TOPAZ1: variants seen among roughly 807,000 people sequenced by gnomAD.
TOPAZ1 encodes the protein protein TOPAZ1.
In TOPAZ1, 66 loss-of-function variants were observed where a neutral mutation model predicts 172.2. That is an observed-to-expected ratio of 0.38 (90% CI 0.31 to 0.47). The LOEUF is 0.47. TOPAZ1 is among the 20% of genes least tolerant of loss of function. The probability of loss-of-function intolerance (pLI) is 0.99; values close to 1 mark genes in which losing one functional copy is unlikely to be tolerated. For synonymous variants in TOPAZ1, 681 were observed against 683.9 expected (o/e 1.00, Z 0.07); for missense variants, 1,822 against 1,972.4 (o/e 0.92, Z 1.44).
At chr3:44,305,535 A>G (rs1700327092) in intron 14 of TOPAZ1, among the ~76,000 whole-genome samples, 1 of 151,948 alleles carries the variant, frequency 6.6e-6, no homozygotes, top group Non-Finnish European at 1.5e-5. Context: ...ACACTCAGCT[A>G]ATTTTTTTAT....
intron 8 of TOPAZ1, among the ~76,000 whole-genome samples, chr3:44,274,849 G>A (rs748104964): frequency 2.6e-4 from 39 of 150,830 alleles, no homozygotes; most frequent in Non-Finnish European, 5.3e-4. Flanking sequence ...GCACCCGGCC[G>A]CCTTTAATTC....
intron 2 of TOPAZ1, among the ~76,000 whole-genome samples, chr3:44,250,908 T>C (rs1190213198): frequency 1.3e-5 from 2 of 152,102 alleles, no homozygotes; most frequent in Non-Finnish European, 2.9e-5. Context: ...CCTAACAGTA[T>C]AGTGTGGCAT....
rs1182335780 is a variant in TOPAZ1 at position 44,267,076 on chromosome 3, G to T, written c.3100G>T (p.Val1034Leu). 6.5e-7 allele frequency: 1 copy of T among 1,548,914 alleles called. No homozygotes were observed. Among genetic ancestry groups the T allele is most frequent in the Non-Finnish European group, 8.7e-7 (1 of 1,145,792 alleles). Residue 1034 changes from valine (V) to leucine (L), a missense_variant, in exon 6 of 20, where the codon GTA becomes TTA. Around this residue, in one of 2 missense-constraint regions of TOPAZ1, gnomAD observed 1,489 missense variants for 1,490.8 expected, o/e 1.00. Transcript: ENST00000309765. The stretch of plus-strand genomic sequence containing the variant: ...AGTCCCGAAACCTCTGTGTTTATTA[G>T]TACCTCCTTTGAATCTAAGTGGTCG... ...VPVPKPLCLL[V>L]PPLNLSGRQE...
At chr3:44,290,426 C>T (rs937895153) in intron 11 of TOPAZ1, among the ~76,000 whole-genome samples, 3 of 152,048 alleles carry the variant, frequency 2.0e-5, no homozygotes, top group Non-Finnish European at 2.9e-5. Context: ...ATGTGAGGCA[C>T]AGGAACAATA....
At chr3:44,248,232 T>C (rs995856032) in intron 2 of TOPAZ1, among the ~76,000 whole-genome samples, 2 of 152,200 alleles carry the variant, frequency 1.3e-5, no homozygotes, top group Admixed American at 1.3e-4. Context: ...TATTTTTTCT[T>C]CTTGTTTTCC....
At chr3:44,334,988 A>G (rs1008286181), downstream of TOPAZ1, among the ~76,000 whole-genome samples, 3 of 151,826 alleles carry the variant, frequency 2.0e-5, no homozygotes, top group African/African-American at 7.3e-5. Context: ...GATAAGTACA[A>G]CCTCCCCAAG....
Position 44,279,085 on chromosome 3 carries a change from C to T in TOPAZ1, c.3373-2883C>T, listed in dbSNP as rs531273151. 1.6e-4 allele frequency among the ~76,000 whole-genome samples: 25 copies of T among 152,114 alleles called. No homozygotes were observed. In the South Asian group the frequency reaches 3.7e-3, roughly 23 times the overall value. The stretch of plus-strand genomic sequence containing the variant: ...TTTCTTCTTAATTTCTTTCTTGACC[C>T]GATGGTCATTCAGGAGCAGGTTGTT... On this transcript the variant is annotated intron_variant, in intron 8 of 19. Coordinates refer to ENST00000309765, the MANE Select transcript of TOPAZ1 (RefSeq NM_001145030.2).
rs1172936320 is a variant in TOPAZ1 at position 44,305,286 on chromosome 3, G to A, written c.4004G>A (p.Arg1335Lys). ...CTCACAAAAAACTATGAAGATGAAA[G>A]ACCAGATATTCCCTTTTGTGAATTT... Reference protein sequence around the residue: ...ETLTKNYEDERPDIPFCEFAE... With the variant: ...ETLTKNYEDEKPDIPFCEFAE... The change falls in exon 14 of 20, where the codon AGA becomes AAA. Residue 1335 changes from arginine to lysine, a missense_variant. By Grantham distance (26) the Arg-to-Lys change is conservative. Transcript: ENST00000309765. 1.5e-5 allele frequency: 23 copies of A among 1,542,644 alleles called. No homozygotes were observed. Among genetic ancestry groups the A allele is most frequent in the Non-Finnish European group, 1.9e-5 (22 of 1,144,724 alleles).
intron 18 of TOPAZ1, 70 bp from the exon 19 acceptor site, chr3:44,328,179 AG>A: frequency 1.1e-6 from 1 of 895,958 alleles, no homozygotes; most frequent in African/African-American, 1.8e-5. Flanking sequence ...TATCGCCTGT[AG>A]GTATTTCAGA....
intron 8 of TOPAZ1, among the ~76,000 whole-genome samples, chr3:44,281,012 C>T (rs73829621): frequency 1.1e-3 from 165 of 152,302 alleles, no homozygotes; most frequent in African/African-American, 3.7e-3. Flanking sequence ...CAACCCCCTA[C>T]ATTAGTCTCA....
chr3:44,287,615 G>A, intron 10 of TOPAZ1, 75 bp downstream of exon 10: 1 of 1,174,060 alleles, frequency 8.5e-7, no homozygotes, highest in East Asian at 2.9e-5. Context: ...TTTGAACTTA[G>A]CAGTTGAATT....
intron 16 of TOPAZ1, among the ~76,000 whole-genome samples, chr3:44,315,694 G>A (rs937212907): frequency 4.0e-5 from 6 of 151,874 alleles, no homozygotes; most frequent in African/African-American, 1.5e-4. Context: ...ATCAGTGGCT[G>A]GATCTTCCCA....
At chr3:44,320,137 CT>C (rs1185004957) in intron 16 of TOPAZ1, among the ~76,000 whole-genome samples, 1 of 152,028 alleles carries the variant, frequency 6.6e-6, no homozygotes, top group African/African-American at 2.4e-5. Flanking sequence ...GTAATATTCT[CT>C]TTTTTTAAAG....
At chr3:44,274,848 C>A (rs867076963) in intron 8 of TOPAZ1, among the ~76,000 whole-genome samples, 1 of 150,824 alleles carries the variant, frequency 6.6e-6, no homozygotes, top group East Asian at 1.9e-4. Context: ...TGCACCCGGC[C>A]GCCTTTAATT....
intron 7 of TOPAZ1, 100 bp downstream of exon 7, chr3:44,269,401 T>C: frequency 1.6e-6 from 1 of 610,810 alleles, no homozygotes; most frequent in South Asian, 1.9e-5. Context: ...ACTCCCTCTT[T>C]TATCCTCCCC....
chr3:44,330,106 G>A (rs905889740), intron 19 of TOPAZ1, among the ~76,000 whole-genome samples: 2 of 152,032 alleles, frequency 1.3e-5, no homozygotes, highest in Non-Finnish European at 2.9e-5. Context: ...CACACTTAAG[G>A]GGAGGAGAAT....
At position 44,245,419 on chromosome 3, in the gene TOPAZ1, C is replaced by A. The variant is rs1273143855; in HGVS notation, c.2765+148C>A. 6 of 727,706 alleles carry A rather than the reference C, an allele frequency of 8.2e-6. No homozygotes were observed. The East Asian group carries it at 1.2e-4, about 14-fold the overall frequency. The allele number at this position is 727,706 out of a possible 1,614,324, so 45.1% of individuals were successfully genotyped here. The stretch of plus-strand genomic sequence containing the variant: ...TAAATGTTATATACCATTATTACTG[C>A]TGATACCTGGAAATGTCATTATGCT... On this transcript the variant is annotated intron_variant, in intron 2 of 19. Transcript: ENST00000309765.
Position 44,242,217 on chromosome 3 carries a change from G to A in TOPAZ1, c.164G>A (p.Arg55Gln). Residue 55 changes from arginine to glutamine, a missense_variant, in exon 1 of 20, where the codon CGG (arginine) becomes CAG (glutamine). Around this residue, in one of 2 missense-constraint regions of TOPAZ1, gnomAD observed 1,489 missense variants for 1,490.8 expected, o/e 1.00. Coordinates refer to ENST00000309765, the MANE Select transcript of TOPAZ1 (RefSeq NM_001145030.2). ...ENKQKRRMVARATPGRGEVES... is the reference protein window; with the variant it reads ...ENKQKRRMVAQATPGRGEVES... ...AAGCAAAAGAGGAGAATGGTGGCCC[G>A]GGCCACCCCTGGGAGAGGCGAGGTG... The A allele has an allele frequency of 1.9e-6, 3 of 1,545,052 alleles. No individual in the cohort carries two copies. Among genetic ancestry groups the A allele is most frequent in the Non-Finnish European group, 1.7e-6 (2 of 1,145,044 alleles).
chr3:44,254,835 G>A (rs1439256709), intron 2 of TOPAZ1, 133 bp from the exon 3 acceptor site: 1 of 547,918 alleles, frequency 1.8e-6, no homozygotes, highest in Non-Finnish European at 3.2e-6. Flanking sequence ...TCTCATTATA[G>A]TAAGTACTCT....
Sources: gnomAD v4.1 joint callset for allele counts (sites outside exome capture counted in the v4.1 genomes callset) on GRCh38, gnomAD v4.1.1 for gene constraint, gnomAD v4.1.1 regional missense constraint, MANE v1.5 for transcripts, NCBI Gene and HGNC (gene_info 2026-07-23, HGNC 2026-07-21) for gene names.